Variants in ABCA1 observed in about 807,000 individuals in gnomAD.
The protein encoded by ABCA1 is ATP binding cassette subfamily A member 1.
In ABCA1, 133 loss-of-function variants were observed where a neutral mutation model predicts 262.5. The ratio of observed to expected loss-of-function variants is 0.51; its 90% CI spans 0.44 to 0.59. The LOEUF (loss-of-function observed/expected upper bound fraction) is 0.59. ABCA1 is among the 20% of genes least tolerant of loss of function. The probability of loss-of-function intolerance (pLI) is 0.00; values close to 1 mark genes in which losing one functional copy is unlikely to be tolerated. For missense variants in ABCA1, 2,452 were observed against 2,777.5 expected, an observed-to-expected ratio of 0.88 and a Z score of 2.63; for synonymous variants, 1,022 against 1,043.5, an observed-to-expected ratio of 0.98 and a Z score of 0.40.
intron 7 of ABCA1, among the ~76,000 whole-genome samples, chr9:104,854,294 C>G (rs1835642409): frequency 6.6e-6 from 1 of 152,050 alleles, no homozygotes. Context: ...CTTCAGAGCC[C>G]CCCCAAAAAA....
intron 1 of ABCA1, among the ~76,000 whole-genome samples, chr9:104,904,094 G>A (rs565320889): frequency 6.6e-6 from 1 of 152,298 alleles, no homozygotes; most frequent in East Asian, 1.9e-4. Flanking sequence ...CACTGAGGAT[G>A]GAAATGGCAT....
chr9:104,885,116 A>G lies in ABCA1; in HGVS notation c.161-548T>C, dbSNP rs566897062. Reference sequence around the variant, plus strand: ...ATGGGCTTGGTGGCAGGCGCCTGTAATCCCAGGTACTCTGGAGGCTGAGGC... The same window carrying G: ...ATGGGCTTGGTGGCAGGCGCCTGTAGTCCCAGGTACTCTGGAGGCTGAGGC... On this transcript the variant is annotated intron_variant, in intron 3 of 49. Transcript: ENST00000374736. 2.0e-5 allele frequency among the ~76,000 whole-genome samples: 3 copies of G among 152,300 alleles called. No individual in the cohort carries two copies. In the East Asian group the frequency reaches 5.8e-4, roughly 29 times the overall value.
chr9:104,838,360 A>G (rs1012177537), intron 9 of ABCA1, among the ~76,000 whole-genome samples: 1 of 151,510 alleles, frequency 6.6e-6, no homozygotes, highest in East Asian at 1.9e-4. Flanking sequence ...CTGTAATCCC[A>G]GCACTTTGGG....
intron 19 of ABCA1, 149 bp downstream of exon 19, chr9:104,822,347 T>G: frequency 9.3e-7 from 1 of 1,079,166 alleles, no homozygotes; most frequent in East Asian, 2.4e-5. Context: ...AAGACACTCA[T>G]GATTAGATAA....
At chr9:104,919,805 C>G (rs529945018) in intron 1 of ABCA1, among the ~76,000 whole-genome samples, 9 of 152,264 alleles carry the variant, frequency 5.9e-5, no homozygotes, top group Admixed American at 1.3e-4. Context: ...CCTTCTGGTT[C>G]TATGATTCAA....
At chr9:104,859,228 G>A (rs565366756) in intron 6 of ABCA1, among the ~76,000 whole-genome samples, 3 of 152,356 alleles carry the variant, frequency 2.0e-5, no homozygotes, top group East Asian at 1.9e-4. Flanking sequence ...TTGCCCTAGA[G>A]CAGAGTGCCA....
At chr9:104,792,255 T>G (rs1444365837) in intron 42 of ABCA1, among the ~76,000 whole-genome samples, 1 of 152,230 alleles carries the variant, frequency 6.6e-6, no homozygotes, top group Non-Finnish European at 1.5e-5. Flanking sequence ...TTCATTATTA[T>G]CTACATAATT....
intron 1 of ABCA1, among the ~76,000 whole-genome samples, chr9:104,915,742 G>A (rs1300692496): frequency 1.3e-5 from 2 of 152,126 alleles, no homozygotes; most frequent in East Asian, 1.9e-4. Flanking sequence ...GAATTATTGG[G>A]TTTCATTTTT....
intron 32 of ABCA1, among the ~76,000 whole-genome samples, chr9:104,804,065 T>C (rs150290015): frequency 9.9e-5 from 15 of 152,246 alleles, no homozygotes; most frequent in Non-Finnish European, 1.5e-4. Context: ...ACTGACCAAG[T>C]TGATGGGAAG....
chr9:104,836,980 C>A lies in ABCA1; in HGVS notation c.1311G>T (p.Arg437=). The change falls in exon 11 of 50, where the codon CGG becomes CGT. Residue 437 remains arginine, a splice_region_variant and synonymous_variant. Coordinates refer to ENST00000374736, the MANE Select transcript of ABCA1 (RefSeq NM_005502.4). The part of the protein sequence containing the change: ...MENSQEMDLV[R]MLLDSRDNDH... Reference sequence around the variant, plus strand: ...TGGTAATAATGGGAGGGACACTCACCCGGACAAGGTCCATTTCTTGGCTGT... The same window carrying A: ...TGGTAATAATGGGAGGGACACTCACACGGACAAGGTCCATTTCTTGGCTGT... 1 of 1,612,446 alleles carries A rather than the reference C, an allele frequency of 6.2e-7. No homozygotes were observed. Among genetic ancestry groups the A allele is most frequent in the Admixed American group, 1.7e-5 (1 of 60,016 alleles).
rs41354653 is a variant in ABCA1 at position 104,810,769 on chromosome 9, C to T, written c.4175+31G>A. On this transcript the variant is annotated intron_variant, in intron 29 of 49. Transcript: ENST00000374736. ...ACATCTTTGGTCTGCTCGAATCTTA[C>T]CCCCTCCTGGGATGTAGAAGACAAA... 2.0e-3 allele frequency: 3,208 copies of T among 1,614,072 alleles called. 61 individuals carry two copies. In the African/African-American group the frequency reaches 0.038, roughly 19 times the overall value.
In ABCA1 at chr9:104,796,439, A is replaced by G. The variant is rs1282041902; in HGVS notation, c.5122-15T>C. 3.1e-6 allele frequency: 5 copies of G among 1,599,276 alleles called. No homozygotes were observed. The African/African-American group carries it at 5.4e-5, about 17-fold the overall frequency. ...ACGTAATTGCACTAAAAGTGAAAAC[A>G]AAGACATCCAGTTCACCCCTAAATC... is the stretch of plus-strand genomic sequence containing the variant. On this transcript the variant is annotated splice_polypyrimidine_tract_variant and intron_variant, in intron 37 of 49. Coordinates refer to ENST00000374736, the MANE Select transcript of ABCA1 (RefSeq NM_005502.4).
rs73664370 is a variant in ABCA1, at chr9:104,869,908, A to T, written c.422-8108T>A. ...TGTAAATGGAGGTCTAGCTTCCTAT[A>T]CGTGTGGGTTAAGTTATCACTAATG... On this transcript the variant is annotated intron_variant, in intron 5 of 49. Coordinates refer to ENST00000374736, the MANE Select transcript of ABCA1 (RefSeq NM_005502.4). Among the ~76,000 whole-genome samples the T allele has an allele frequency of 1.7e-3, 241 of 143,648 alleles. 1 individual carries two copies. The highest frequency in any genetic ancestry group is 6.4e-3 in the African/African-American group (235 of 36,872). The allele number at this position is 143,648 out of a possible 152,430, so 94.2% of individuals were successfully genotyped here. A position where few individuals can be genotyped will look rare whatever the true frequency, so the allele number is the denominator to read the frequency against.
At chr9:104,889,407 G>A (rs1045993890) in intron 2 of ABCA1, 186 of 981,868 alleles carry the variant, frequency 1.9e-4, no homozygotes, top group Non-Finnish European at 2.2e-4. Context: ...CCTTAGGTAA[G>A]GGAAGATGCT....
intron 44 of ABCA1, among the ~76,000 whole-genome samples, 191 bp downstream of exon 44, chr9:104,790,731 G>A (rs1829354491): frequency 6.6e-6 from 1 of 152,132 alleles, no homozygotes; most frequent in Non-Finnish European, 1.5e-5. Flanking sequence ...AGACTGAAAG[G>A]AAATGTAAAT....
At chr9:104,788,379 G>C in intron 45 of ABCA1, 47 bp downstream of exon 45, 1 of 1,613,374 alleles carries the variant, frequency 6.2e-7, no homozygotes, top group Non-Finnish European at 8.5e-7. Context: ...GGTATATATT[G>C]TCAGGATGCC....
At chr9:104,859,859 T>C (rs1479733810) in intron 6 of ABCA1, among the ~76,000 whole-genome samples, 2 of 152,066 alleles carry the variant, frequency 1.3e-5, no homozygotes, top group South Asian at 2.1e-4. Flanking sequence ...AAGACCAGTC[T>C]GGCCAACCAA....
rs1828547732 is a variant in ABCA1, at chr9:104,781,579, T to C, written c.*2736A>G. 6.6e-6 allele frequency: 1 copy of C among 152,632 alleles called. No individual in the cohort carries two copies. The highest frequency in any genetic ancestry group is 2.1e-4 in the South Asian group (1 of 4,830). The allele number at this position is 152,632 out of a possible 1,614,324, so 9.5% of individuals were successfully genotyped here. ...TACAGTGAATGAATGATGTGCAACATTTAATAGTCACAAAGCATTTGCTTT... is the reference window on the plus strand; with the variant it reads ...TACAGTGAATGAATGATGTGCAACACTTAATAGTCACAAAGCATTTGCTTT... On this transcript the variant is annotated 3_prime_UTR_variant, in exon 50 of 50. Coordinates refer to ENST00000374736, the MANE Select transcript of ABCA1 (RefSeq NM_005502.4).
intron 36 of ABCA1, chr9:104,799,533 TAATTA>T: frequency 1.0e-6 from 1 of 981,782 alleles, no homozygotes; most frequent in South Asian, 4.7e-5. Flanking sequence ...TAAACACTTA[TAATTA>T]AATTATAATT....
Sources: allele counts gnomAD v4.1 joint callset (sites outside exome capture counted in the v4.1 genomes callset), GRCh38; gene constraint gnomAD v4.1.1; transcripts MANE v1.5; gene names NCBI Gene and HGNC (gene_info 2026-07-23, HGNC 2026-07-21).